Variants in DNAH2 observed in about 807,000 individuals in gnomAD.
DNAH2 encodes axonemal beta dynein heavy chain 2.
Under a neutral mutation model 523.5 loss-of-function variants are expected in DNAH2, and 323 were observed. The ratio of observed to expected loss-of-function variants is 0.62; its 90% CI spans 0.56 to 0.68. The LOEUF (loss-of-function observed/expected upper bound fraction) is 0.68, where lower values mean the gene tolerates loss of function less well. Among genes scored for constraint, DNAH2 ranks in the 30% least tolerant of loss-of-function variants. DNAH2 has a pLI of 0.00. For synonymous variants in DNAH2, 2,093 were observed against 2,177.4 expected (o/e 0.96, Z 1.08); for missense variants, 4,907 against 5,701.5 (o/e 0.86, Z 4.49).
intron 12 of DNAH2, chr17:7,743,674 A>C: frequency 3.3e-6 from 1 of 301,210 alleles, no homozygotes. Context: ...AAAAACAAAA[A>C]TCAAAAACCA....
At chr17:7,721,464 G>T (rs1411436496) in intron 2 of DNAH2, among the ~76,000 whole-genome samples, 2 of 152,058 alleles carry the variant, frequency 1.3e-5, no homozygotes, top group Admixed American at 6.6e-5. Flanking sequence ...GTGAGCCACC[G>T]CACCCAGTCT....
chr17:7,789,909 C>T (rs868569009), intron 44 of DNAH2, among the ~76,000 whole-genome samples: 1 of 152,122 alleles, frequency 6.6e-6, no homozygotes, highest in African/African-American at 2.4e-5. Flanking sequence ...AACCCAAGAT[C>T]GGTATTCTGG....
chr17:7,809,840 TA>T (rs796068621), intron 63 of DNAH2, among the ~76,000 whole-genome samples: 1,467 of 136,822 alleles, frequency 0.011, 1 homozygote, highest in Admixed American at 0.016. Context: ...AAATGCACCT[TA>T]AAAAAAAAAA....
intron 63 of DNAH2, among the ~76,000 whole-genome samples, chr17:7,813,566 A>C (rs1406014128): frequency 6.6e-6 from 1 of 152,224 alleles, no homozygotes; most frequent in African/African-American, 2.4e-5. Flanking sequence ...AAGTAAAAAA[A>C]ATAGTGAAGT....
chr17:7,819,115 C>G (rs2151327490), intron 71 of DNAH2, 52 bp downstream of exon 71: 1 of 1,601,960 alleles, frequency 6.2e-7, no homozygotes, highest in Non-Finnish European at 8.5e-7. Flanking sequence ...CAAGATGCAA[C>G]TCCATCATGA....
At chr17:7,825,810 G>A (rs2078002526) in intron 77 of DNAH2, among the ~76,000 whole-genome samples, 1 of 152,150 alleles carries the variant, frequency 6.6e-6, no homozygotes. Context: ...GCACTTCTTG[G>A]CACACCAGCA....
chr17:7,754,961 A>T lies in DNAH2; in HGVS notation c.1905-2130A>T. ...TGCGCTATTGGTACAAATAAGCCTG[A>T]GGCAGAAAAAAAAAAAAAAAGAATA... On this transcript the variant is annotated intron_variant, in intron 12 of 85. Transcript: ENST00000572933. The surrounding 1 kb of genome is among the most constrained non-coding windows in gnomAD (Gnocchi z 4.6). 8.0e-6 allele frequency: 3 copies of T among 373,682 alleles called. No homozygotes were observed. Among genetic ancestry groups the T allele is most frequent in the East Asian group, 4.2e-5 (1 of 23,686 alleles). The allele number at this position is 373,682 out of a possible 1,614,324, so 23.1% of individuals were successfully genotyped here. A position where few individuals can be genotyped will look rare whatever the true frequency, so the allele number is the denominator to read the frequency against.
intron 16 of DNAH2, 58 bp downstream of exon 16, chr17:7,759,668 C>G: frequency 4.4e-6 from 7 of 1,600,464 alleles, no homozygotes; most frequent in Non-Finnish European, 6.0e-6. Flanking sequence ...TGTCAGTTTC[C>G]CTTAATTCCT....
chr17:7,742,864 G>GGT, intron 11 of DNAH2, 64 bp from the exon 12 acceptor site: 1 of 1,190,310 alleles, frequency 8.4e-7, no homozygotes, highest in South Asian at 3.1e-5. Context: ...AGGTCTCAGG[G>GGT]AGATGGTGGC....
chr17:7,734,478 A>C lies in DNAH2; in HGVS notation c.748A>C (p.Ile250Leu). 1 of 1,613,870 alleles carries C rather than the reference A, an allele frequency of 6.2e-7. No homozygotes were observed. The highest frequency in any genetic ancestry group is 8.5e-7 in the Non-Finnish European group (1 of 1,179,968). The part of the protein sequence containing the change: ...ELVQRLETSM[I>L]HWTRQIKEML... The stretch of plus-strand genomic sequence containing the variant: ...TGTACTCTCCCCTGCAGCCTCCATG[A>C]TCCACTGGACCCGGCAGATAAAGGA... The change falls in exon 7 of 86, where the codon ATC (isoleucine) becomes CTC (leucine). Residue 250 changes from isoleucine (I) to leucine (L), a missense_variant. Transcript: ENST00000572933.
In DNAH2 at chr17:7,770,337, G is replaced by A. The variant is rs1362497764; in HGVS notation, c.4027G>A (p.Gly1343Arg). Residue 1343 changes from glycine (G) to arginine (R), a missense_variant, in exon 25 of 86, where the codon GGG becomes AGG. Transcript: ENST00000572933. The stretch of plus-strand genomic sequence containing the variant: ...CACCTTGGAGCAGATTGTGGAGCTT[G>A]GGATGGATCAGCATGTGGAGAAAAT... ...SFTLEQIVEL[G>R]MDQHVEKIGE... 1.2e-5 allele frequency: 20 copies of A among 1,613,994 alleles called. No individual in the cohort carries two copies. The highest frequency in any genetic ancestry group is 1.7e-5 in the Non-Finnish European group (20 of 1,180,020).
At position 7,777,648 on chromosome 17, in the gene DNAH2, C is replaced by A. The variant is rs773131115; in HGVS notation, c.5247+14C>A. On this transcript the variant is annotated intron_variant, in intron 33 of 85. Coordinates refer to ENST00000572933, the MANE Select transcript of DNAH2 (RefSeq NM_020877.5). ...TACTGGGAGAAGGTGCCAGATGGGC[C>A]ACCTCCCCACTCTCTTACCGTAAAA... 1 of 1,613,502 alleles carries A rather than the reference C, an allele frequency of 6.2e-7. No individual in the cohort carries two copies. Among genetic ancestry groups the A allele is most frequent in the South Asian group, 1.1e-5 (1 of 91,054 alleles).
Position 7,807,132 on chromosome 17 carries a change from C to T in DNAH2, c.9443-18C>T. ...GGCATTAAGCCTCTGGCTAAGGCCC[C>T]TAATTTTCATCCCACAGGGGAACAG... On this transcript the variant is annotated intron_variant, in intron 61 of 85. Coordinates refer to ENST00000572933, the MANE Select transcript of DNAH2 (RefSeq NM_020877.5). This position sits in a 1 kb window ranked among gnomAD's most constrained non-coding sequence, Gnocchi z 5.6. The T allele has an allele frequency of 1.2e-6, 2 of 1,600,700 alleles. No individual in the cohort carries two copies. Among genetic ancestry groups the T allele is most frequent in the Non-Finnish European group, 1.7e-6 (2 of 1,178,968 alleles).
In DNAH2 at chr17:7,764,041, G is replaced by A; in HGVS notation, c.3179+10G>A. The stretch of plus-strand genomic sequence containing the variant: ...AGGAGAACGCAGAGAAGTGCGGGCT[G>A]GGGCGCCCCACAGGAAGGGGGCAGG... On this transcript the variant is annotated intron_variant, in intron 19 of 85. Transcript: ENST00000572933. 1.2e-6 allele frequency: 2 copies of A among 1,614,178 alleles called. No individual in the cohort carries two copies. Among genetic ancestry groups the A allele is most frequent in the East Asian group, 2.2e-5 (1 of 44,886 alleles).
At position 7,830,428 on chromosome 17, in the gene DNAH2, A is replaced by G. The variant is rs2078137919; in HGVS notation, c.11982A>G (p.Glu3994=). 11 of 1,614,124 alleles carry G rather than the reference A, an allele frequency of 6.8e-6. No individual in the cohort carries two copies. The highest frequency in any genetic ancestry group is 1.6e-4 in the Middle Eastern group (1 of 6,084). Residue 3994 remains glutamate (E), a synonymous_variant, in exon 78 of 86, where the codon GAA becomes GAG. Coordinates refer to ENST00000572933, the MANE Select transcript of DNAH2 (RefSeq NM_020877.5). ...GTTTCTTCCACTCTGTGTTACTTGA[A>G]CGCAAAAAGTTCCTGCAGCTTGGCT... ...SLCFFHSVLL[E]RKKFLQLGWN... is the part of the protein sequence containing the mutation.
Position 7,798,867 on chromosome 17 carries a change from C to G in DNAH2, c.8559+149C>G. On this transcript the variant is annotated intron_variant, in intron 55 of 85. Coordinates refer to ENST00000572933, the MANE Select transcript of DNAH2 (RefSeq NM_020877.5). The surrounding 1 kb of genome is among the most constrained non-coding windows in gnomAD (Gnocchi z 5.5). ...TCAGCCCTGTAAGGTGGAAGGTCCCCTCCAGGGACCCTGGGCAGAGCTGCT... is the reference window on the plus strand; with the variant it reads ...TCAGCCCTGTAAGGTGGAAGGTCCCGTCCAGGGACCCTGGGCAGAGCTGCT... 1 of 1,259,952 alleles carries G rather than the reference C, an allele frequency of 7.9e-7. No individual in the cohort carries two copies. The highest frequency in any genetic ancestry group is 1.4e-5 in the South Asian group (1 of 70,658). 78.0% of individuals were successfully genotyped at this position (1,259,952 alleles called of 1,614,324 possible).
At chr17:7,817,145 G>A (rs911935500) in intron 64 of DNAH2, 145 bp from the exon 65 acceptor site, 6 of 1,124,606 alleles carry the variant, frequency 5.3e-6, no homozygotes, top group Non-Finnish European at 7.3e-6. Flanking sequence ...AACCAGGCTA[G>A]AGTTGTCAGG....
intron 77 of DNAH2, among the ~76,000 whole-genome samples, chr17:7,829,558 C>CTG (rs1324773324): frequency 6.6e-6 from 1 of 152,170 alleles, no homozygotes; most frequent in African/African-American, 2.4e-5. Context: ...ATCACATAGA[C>CTG]TGTTCTTCCT....
intron 12 of DNAH2, chr17:7,743,713 C>T (rs1478662735): frequency 1.4e-5 from 3 of 221,362 alleles, no homozygotes; most frequent in East Asian, 1.2e-4. Flanking sequence ...CCAGTGATGT[C>T]GCTGTTCTGC....
Sources: allele counts gnomAD v4.1 joint callset (sites outside exome capture counted in the v4.1 genomes callset), GRCh38; gene constraint gnomAD v4.1.1; non-coding constraint Gnocchi (gnomAD v3.1); transcripts MANE v1.5; gene names NCBI Gene and HGNC (gene_info 2026-07-23, HGNC 2026-07-21).